The following COL13A1 variants were observed in gnomAD, a reference collection of about 807,000 sequenced individuals.
COL13A1 encodes the protein collagen alpha-1(XIII) chain.
In COL13A1, 89 loss-of-function variants were observed where a neutral mutation model predicts 130.9. The observed-to-expected ratio is 0.68, with a 90% CI of 0.57 to 0.81. COL13A1 has a LOEUF of 0.81. Ranked by LOEUF, COL13A1 falls within the 30% of genes least tolerant of loss-of-function variation. The probability of loss-of-function intolerance (pLI) is 0.00; values close to 1 mark genes in which losing one functional copy is unlikely to be tolerated. For synonymous variants in COL13A1, 402 were observed against 341.6 expected, an observed-to-expected ratio of 1.18 and a Z score of -1.95; for missense variants, 879 against 934.6, an observed-to-expected ratio of 0.94 and a Z score of 0.78.
intron 15 of COL13A1, 96 bp from the exon 16 acceptor site, chr10:69,904,837 T>C: frequency 7.5e-7 from 1 of 1,328,788 alleles, no homozygotes; most frequent in Non-Finnish European, 1.0e-6. Context: ...TATTGGGAGC[T>C]GCTCTGCCCC....
chr10:69,918,469 C>T (rs546023407), intron 19 of COL13A1, among the ~76,000 whole-genome samples, 152 bp downstream of exon 19: 3 of 152,314 alleles, frequency 2.0e-5, no homozygotes, highest in African/African-American at 7.2e-5. Context: ...AACATTTGTG[C>T]CAGGTGCATA....
At chr10:69,945,535 TC>T (rs1278335201) in intron 36 of COL13A1, 135 bp from the exon 37 acceptor site, 30 of 1,205,824 alleles carry the variant, frequency 2.5e-5, no homozygotes, top group Non-Finnish European at 3.5e-5. Flanking sequence ...ACCCCACCTT[TC>T]CCATAGCCCT....
chr10:69,923,808 G>A lies in COL13A1; in HGVS notation c.1237G>A (p.Ala413Thr), dbSNP rs1177982267. 6.2e-7 allele frequency: 1 copy of A among 1,610,962 alleles called. No individual in the cohort carries two copies. The highest frequency in any genetic ancestry group is 1.7e-5 in the Admixed American group (1 of 59,690). The change falls in exon 24 of 41, where the codon GCA (alanine) becomes ACA (threonine). Residue 413 changes from alanine (A) to threonine (T), a missense_variant. Transcript: ENST00000645393. Reference sequence around the variant, plus strand: ...ACTCTCTCCTCTTCCCCAGGGAGAAGCAGGTGTCGATGGCCAGGTTGGCCC... The same window carrying A: ...ACTCTCTCCTCTTCCCCAGGGAGAAACAGGTGTCGATGGCCAGGTTGGCCC... Reference protein sequence around the residue: ...LPGPPGPKGEAGVDGQVGPPG... With the variant: ...LPGPPGPKGETGVDGQVGPPG...
intron 2 of COL13A1, among the ~76,000 whole-genome samples, chr10:69,857,577 A>G (rs1856786130): frequency 6.6e-6 from 1 of 152,052 alleles, no homozygotes; most frequent in African/African-American, 2.4e-5. Flanking sequence ...TACGTTGCAC[A>G]CTCCTTATGG....
chr10:69,814,066 C>T (rs557158911), intron 1 of COL13A1, among the ~76,000 whole-genome samples: 12 of 152,354 alleles, frequency 7.9e-5, no homozygotes, highest in African/African-American at 2.6e-4. Flanking sequence ...CAGTCTGCAA[C>T]GGGGCAGCCA....
chr10:69,864,877 G>C (rs977110310), intron 2 of COL13A1, among the ~76,000 whole-genome samples: 1 of 152,184 alleles, frequency 6.6e-6, no homozygotes, highest in Non-Finnish European at 1.5e-5. Context: ...TGGCTGTTGT[G>C]ACCCTCTCCT....
At chr10:69,928,803 A>C (rs2135785647) in intron 27 of COL13A1, 134 bp from the exon 28 acceptor site, 1 of 580,600 alleles carries the variant, frequency 1.7e-6, no homozygotes, top group African/African-American at 1.9e-5. Context: ...TTTGCAAAAA[A>C]TGCATCTCTA....
chr10:69,920,840 C>T (rs2064565800), intron 21 of COL13A1, among the ~76,000 whole-genome samples: 1 of 152,206 alleles, frequency 6.6e-6, no homozygotes, highest in Non-Finnish European at 1.5e-5. Flanking sequence ...CGGGCTCGAC[C>T]TGCCTCTGCC....
At chr10:69,803,417 A>G (rs1840602934) in intron 1 of COL13A1, among the ~76,000 whole-genome samples, 1 of 152,212 alleles carries the variant, frequency 6.6e-6, no homozygotes, top group African/African-American at 2.4e-5. Flanking sequence ...AGCTATGGCA[A>G]TCTTCGGAAT....
intron 39 of COL13A1, chr10:69,956,594 G>A (rs777318037): frequency 1.8e-4 from 33 of 187,584 alleles, no homozygotes; most frequent in Middle Eastern, 2.6e-3. Flanking sequence ...GGCCCTTAGC[G>A]GTCACATCAA....
chr10:69,813,649 C>A (rs1843658603), intron 1 of COL13A1, among the ~76,000 whole-genome samples: 1 of 152,172 alleles, frequency 6.6e-6, no homozygotes, highest in South Asian at 2.1e-4. Context: ...CTCCCTGTCC[C>A]CAGCACACAG....
At chr10:69,827,156 G>A (rs76343669) in intron 2 of COL13A1, among the ~76,000 whole-genome samples, 4,336 of 152,296 alleles carry the variant, frequency 0.028, 175 homozygotes, top group African/African-American at 0.084. Flanking sequence ...AAAACTCGGA[G>A]GAGCAAGAAA....
At chr10:69,836,247 G>A (rs1302400558) in intron 2 of COL13A1, among the ~76,000 whole-genome samples, 3 of 152,226 alleles carry the variant, frequency 2.0e-5, no homozygotes, top group East Asian at 1.9e-4. Context: ...CCAGGGCTCC[G>A]GTGGGGCTAG....
intron 32 of COL13A1, 111 bp downstream of exon 32, chr10:69,935,502 A>T: frequency 1.2e-6 from 1 of 814,180 alleles, no homozygotes; most frequent in Non-Finnish European, 1.9e-6. Flanking sequence ...CCAGGGAGGG[A>T]TTTTCTGGTC....
In COL13A1 at chr10:69,929,983, G is replaced by A. The variant is rs571873374; in HGVS notation, c.1486-60G>A. 2.4e-5 allele frequency: 36 copies of A among 1,481,674 alleles called. No homozygotes were observed. The Admixed American group carries it at 2.5e-4, about 10-fold the overall frequency. 91.8% of individuals were successfully genotyped at this position (1,481,674 alleles called of 1,614,324 possible). On this transcript the variant is annotated intron_variant, in intron 28 of 40. Transcript: ENST00000645393. Reference sequence around the variant, plus strand: ...GGATGCCGGGTGCACTAAGCAATGCGTAACTGATGGCTGCTATGTTCTCTG... The same window carrying A: ...GGATGCCGGGTGCACTAAGCAATGCATAACTGATGGCTGCTATGTTCTCTG...
intron 1 of COL13A1, among the ~76,000 whole-genome samples, chr10:69,805,668 C>G (rs982755396): frequency 6.6e-6 from 1 of 152,138 alleles, no homozygotes; most frequent in Admixed American, 6.5e-5. Context: ...GTTCTATTGG[C>G]CAGCGCTGTG....
chr10:69,881,131 G>A (rs1046184112), intron 7 of COL13A1, among the ~76,000 whole-genome samples: 6 of 152,206 alleles, frequency 3.9e-5, no homozygotes, highest in African/African-American at 1.2e-4. Context: ...CAGGGGTGTG[G>A]GTGATGAAGC....
chr10:69,940,519 T>C (rs1386103585), intron 34 of COL13A1, among the ~76,000 whole-genome samples: 1 of 152,212 alleles, frequency 6.6e-6, no homozygotes, highest in Non-Finnish European at 1.5e-5. Context: ...CAGCATGGCC[T>C]GATCCAAACA....
intron 24 of COL13A1, 75 bp from the exon 25 acceptor site, chr10:69,924,888 C>A (rs1454524486): frequency 5.6e-6 from 8 of 1,419,724 alleles, no homozygotes; most frequent in African/African-American, 1.4e-5. Flanking sequence ...GCCCTTATCA[C>A]ATGGCCCATC....
Sources: allele counts gnomAD v4.1 joint callset (sites outside exome capture counted in the v4.1 genomes callset), GRCh38; gene constraint gnomAD v4.1.1; transcripts MANE v1.5; gene names NCBI Gene and HGNC (gene_info 2026-07-23, HGNC 2026-07-21).